Variants in MBP observed in about 807,000 individuals in gnomAD.
MBP encodes the protein myelin basic protein.
MBP carries 16 observed loss-of-function variants against 35.8 expected under a neutral mutation model. That is an observed-to-expected ratio of 0.45 (90% confidence interval 0.30 to 0.68). The LOEUF is 0.68. Among genes scored for constraint, MBP ranks in the 30% least tolerant of loss-of-function variants. MBP has a pLI of 0.08. For synonymous variants in MBP, 143 were observed against 159.6 expected, an observed-to-expected ratio of 0.90 and a Z score of 0.78; for missense variants, 380 against 404.7, an observed-to-expected ratio of 0.94 and a Z score of 0.52.
intron 3 of MBP, among the ~76,000 whole-genome samples, chr18:77,022,542 T>G (rs1972032742): frequency 9.3e-6 from 1 of 107,222 alleles, no homozygotes; most frequent in Non-Finnish European, 2.1e-5. Context: ...CTGCAGTTTT[T>G]GCAGGGTGCA....
intron 4 of MBP, chr18:77,004,383 A>G (rs866187134): frequency 6.6e-6 from 1 of 152,158 alleles, no homozygotes; most frequent in South Asian, 2.1e-4. Context: ...AAGCAAGATC[A>G]GGGCATTTTA....
chr18:76,985,643 G>A, intron 7 of MBP: 1 of 1,063,380 alleles, frequency 9.4e-7, no homozygotes, highest in South Asian at 2.9e-5. Context: ...GCCGCATCCT[G>A]GCAGCAGCGG....
chr18:77,068,874 G>T, intron 2 of MBP: 1 of 430,286 alleles, frequency 2.3e-6, no homozygotes, highest in Admixed American at 2.7e-5. Flanking sequence ...ACTTTCCTGG[G>T]ACTGGAATAA....
rs75064842 is a variant in MBP, at chr18:77,015,934, G to A, written c.576+898C>T. 848 of 985,424 alleles carry A rather than the reference G, an allele frequency of 8.6e-4. 10 individuals carry two copies. In the African/African-American group the frequency reaches 0.014, roughly 16 times the overall value. 61.0% of individuals were successfully genotyped at this position (985,424 alleles called of 1,614,324 possible). ...GCAGAAAAACAGCTTCATCTTACAG[G>A]TTGTGTGAGAACACCCAATAAACTA... is the stretch of plus-strand genomic sequence containing the variant. On this transcript the variant is annotated intron_variant, in intron 4 of 8. Coordinates refer to ENST00000355994, the MANE Select transcript of MBP (RefSeq NM_001025101.2).
intron 3 of MBP, among the ~76,000 whole-genome samples, chr18:77,028,413 A>G (rs1972326488): frequency 8.8e-6 from 1 of 113,042 alleles, no homozygotes; most frequent in South Asian, 3.3e-4. Context: ...CACGGCAACC[A>G]TCCGATTTCT....
intron 1 of MBP, among the ~76,000 whole-genome samples, chr18:77,124,828 A>T (rs756825501): frequency 6.6e-6 from 1 of 152,200 alleles, no homozygotes; most frequent in African/African-American, 2.4e-5. Flanking sequence ...CCAGCTCATT[A>T]TAAATCCTGG....
intron 3 of MBP, among the ~76,000 whole-genome samples, chr18:77,035,549 C>CGT (rs1972730636): frequency 6.6e-6 from 1 of 152,214 alleles, no homozygotes; most frequent in African/African-American, 2.4e-5. Flanking sequence ...GGATGAGAAA[C>CGT]GTGCATCACT....
chr18:77,007,607 C>A (rs1220370486), intron 4 of MBP, among the ~76,000 whole-genome samples: 1 of 152,206 alleles, frequency 6.6e-6, no homozygotes, highest in Non-Finnish European at 1.5e-5. Context: ...ATTTTCCCTT[C>A]ATTCCATAGA....
At position 77,078,855 on chromosome 18, in the gene MBP, T is replaced by C. The variant is rs1974769098; in HGVS notation, c.52-12470A>G. ...CCAATCCTGTGCTCTGGTCCCTGCC[T>C]GTGACCCAGTGGAGCTGGGAGCCCC... On this transcript the variant is annotated intron_variant, in intron 2 of 8. Coordinates refer to ENST00000355994, the MANE Select transcript of MBP (RefSeq NM_001025101.2). 2.0e-5 allele frequency among the ~76,000 whole-genome samples: 3 copies of C among 152,220 alleles called. 1 individual carries two copies. In the South Asian group the frequency reaches 6.2e-4, roughly 31 times the overall value.
chr18:76,990,836 C>G, intron 4 of MBP: 1 of 258,846 alleles, frequency 3.9e-6, no homozygotes, highest in Non-Finnish European at 7.9e-6. Flanking sequence ...CCTGGGGCAG[C>G]TACGGGCTGG....
At chr18:77,099,792 G>T (rs1050068145) in intron 2 of MBP, among the ~76,000 whole-genome samples, 1 of 152,236 alleles carries the variant, frequency 6.6e-6, no homozygotes, top group Non-Finnish European at 1.5e-5. Flanking sequence ...GCCCTGGGGG[G>T]AGCCGCCAGC....
chr18:77,036,215 G>C (rs1162844734), intron 3 of MBP, among the ~76,000 whole-genome samples: 1 of 135,758 alleles, frequency 7.4e-6, no homozygotes, highest in Non-Finnish European at 1.6e-5. Flanking sequence ...AGCTGAGCAA[G>C]TGCTGGTCAC....
chr18:76,990,036 C>T lies in MBP; in HGVS notation c.601G>A (p.Ala201Thr), dbSNP rs114952201. 4.1e-3 allele frequency: 6,563 copies of T among 1,612,704 alleles called. 202 individuals are homozygous for T. The African/African-American group carries it at 0.074, about 18-fold the overall frequency. Residue 201 changes from alanine to threonine, a missense_variant, in exon 5 of 9, where the codon GCT becomes ACT. Physicochemically the swap from Ala to Thr is moderately conservative, Grantham distance 58. Coordinates refer to ENST00000355994, the MANE Select transcript of MBP (RefSeq NM_001025101.2). Reference sequence around the variant, plus strand: ...TTCTGGGGCAGGGAGCCGTAGTGAGCAGTTCTTGCCGGGTGGTGTGAGTCC... The same window carrying T: ...TTCTGGGGCAGGGAGCCGTAGTGAGTAGTTCTTGCCGGGTGGTGTGAGTCC... ...GKDSHHPART[A>T]HYGSLPQKSH...
At chr18:77,085,653 C>G (rs1975195388) in intron 2 of MBP, among the ~76,000 whole-genome samples, 1 of 150,208 alleles carries the variant, frequency 6.7e-6, no homozygotes, top group Non-Finnish European at 1.5e-5. Context: ...AAGTAAAAAC[C>G]AGGTTTTAAT....
intron 3 of MBP, among the ~76,000 whole-genome samples, chr18:77,052,423 G>GC (rs1458195187): frequency 6.6e-6 from 1 of 152,140 alleles, no homozygotes; most frequent in East Asian, 1.9e-4. Context: ...ACGCACGGCT[G>GC]CCCCACTGGC....
At chr18:77,099,261 C>T (rs543384388) in intron 2 of MBP, among the ~76,000 whole-genome samples, 6 of 152,266 alleles carry the variant, frequency 3.9e-5, no homozygotes, top group South Asian at 2.1e-4. Context: ...TGGCAGGGGG[C>T]GTGGGCACGG....
intron 3 of MBP, among the ~76,000 whole-genome samples, chr18:77,041,397 A>G (rs988856622): frequency 2.6e-5 from 4 of 152,166 alleles, no homozygotes; most frequent in African/African-American, 9.7e-5. Context: ...AGAACTAGAA[A>G]TGCCATTTGA....
chr18:76,980,103 G>T lies in MBP; in HGVS notation c.*324C>A, dbSNP rs1222829398. ...GCCACGGCGAAAAGAAAGTCCAAGG[G>T]TGGAGGGGTGAACGTGGAGGGACGT... On this transcript the variant is annotated 3_prime_UTR_variant, in exon 9 of 9. Transcript: ENST00000355994. 4.3e-6 allele frequency: 3 copies of T among 691,122 alleles called. No homozygotes were observed. In the Admixed American group the frequency reaches 6.3e-5, roughly 14 times the overall value. The allele number at this position is 691,122 out of a possible 1,614,324, so 42.8% of individuals were successfully genotyped here. A position where few individuals can be genotyped will look rare whatever the true frequency, so the allele number is the denominator to read the frequency against.
chr18:77,080,184 T>C (rs1974834381), intron 2 of MBP, among the ~76,000 whole-genome samples: 2 of 152,276 alleles, frequency 1.3e-5, no homozygotes, highest in African/African-American at 4.8e-5. Context: ...ATTCTTGCTC[T>C]AGACTGGATT....
Sources: allele counts gnomAD v4.1 joint callset (sites outside exome capture counted in the v4.1 genomes callset), GRCh38; gene constraint gnomAD v4.1.1; transcripts MANE v1.5; gene names NCBI Gene and HGNC (gene_info 2026-07-23, HGNC 2026-07-21).